The following DNAH14 variants were observed in gnomAD, a reference collection of about 807,000 sequenced individuals.
DNAH14 encodes the protein axonemal beta dynein heavy chain 14.
In DNAH14, 478 loss-of-function variants were observed where a neutral mutation model predicts 520.9. That is an observed-to-expected ratio of 0.92 (90% CI 0.85 to 0.99). DNAH14 has a LOEUF of 0.99. Ranked by LOEUF, DNAH14 falls within the 50% of genes least tolerant of loss-of-function variation. The pLI, the probability that DNAH14 is intolerant of heterozygous loss-of-function variation, is 0.00. For missense variants in DNAH14, 4,831 were observed against 5,234.5 expected, an observed-to-expected ratio of 0.92 and a Z score of 2.38; for synonymous variants, 1,581 against 1,757.2, an observed-to-expected ratio of 0.90 and a Z score of 2.51.
At chr1:224,979,160 C>T (rs988086625) in intron 8 of DNAH14, among the ~76,000 whole-genome samples, 1 of 152,166 alleles carries the variant, frequency 6.6e-6, no homozygotes, top group Non-Finnish European at 1.5e-5. Flanking sequence ...AAAGCATCTT[C>T]ATAACCAAAA....
At chr1:225,244,647 T>A (rs1231277214) in intron 43 of DNAH14, among the ~76,000 whole-genome samples, 3 of 152,206 alleles carry the variant, frequency 2.0e-5, no homozygotes, top group African/African-American at 7.2e-5. Context: ...ATAGAGGTTT[T>A]TATATTAATC....
intron 42 of DNAH14, among the ~76,000 whole-genome samples, chr1:225,240,239 T>C (rs2091889419): frequency 1.3e-5 from 2 of 150,534 alleles, no homozygotes; most frequent in South Asian, 4.2e-4. Flanking sequence ...TTAAAATATA[T>C]ACATATATTA....
chr1:225,206,251 A>T (rs2087535853), intron 40 of DNAH14, 72 bp downstream of exon 40: 4 of 1,291,370 alleles, frequency 3.1e-6, no homozygotes, highest in East Asian at 2.5e-5. Context: ...TATTATTTAC[A>T]GCATTTTATG....
At chr1:225,137,619 G>C (rs1013442672) in intron 27 of DNAH14, among the ~76,000 whole-genome samples, 3 of 152,180 alleles carry the variant, frequency 2.0e-5, no homozygotes, top group African/African-American at 7.2e-5. Flanking sequence ...GCCTCCCAGA[G>C]TGCTGGGATT....
At chr1:225,343,784 ATC>A (rs199517873) in intron 69 of DNAH14, among the ~76,000 whole-genome samples, 3 of 123,272 alleles carry the variant, frequency 2.4e-5, no homozygotes, top group Non-Finnish European at 5.0e-5. Context: ...AGGCTTCTGT[ATC>A]TGTTTTTTTT....
chr1:225,374,888 A>G lies in DNAH14; in HGVS notation c.12516+3A>G. The stretch of plus-strand genomic sequence containing the variant: ...ACTTCAGTTTCTCCAGTGATGGGGT[A>G]GGAAAAGAATCAATCTTCTTGCATT... On this transcript the variant is annotated splice_donor_region_variant and intron_variant, in intron 78 of 85. Coordinates refer to ENST00000682510, the MANE Select transcript of DNAH14 (RefSeq NM_001367479.1). The G allele has an allele frequency of 6.5e-7, 1 of 1,542,004 alleles. No individual in the cohort carries two copies. The highest frequency in any genetic ancestry group is 8.8e-7 in the Non-Finnish European group (1 of 1,140,464).
intron 64 of DNAH14, among the ~76,000 whole-genome samples, chr1:225,328,475 C>G (rs72750813): frequency 1.3e-5 from 2 of 151,856 alleles, no homozygotes; most frequent in Non-Finnish European, 2.9e-5. Flanking sequence ...ATATTTTTTA[C>G]GCTTAATATT....
chr1:224,982,526 C>T (rs947399611), intron 8 of DNAH14, among the ~76,000 whole-genome samples: 4 of 152,242 alleles, frequency 2.6e-5, no homozygotes, highest in East Asian at 1.9e-4. Context: ...TTCCTTGAGG[C>T]GTGACCTTAG....
chr1:225,178,300 G>A (rs78617509), intron 36 of DNAH14, among the ~76,000 whole-genome samples: 7,414 of 152,200 alleles, frequency 0.049, 285 homozygotes, highest in Non-Finnish European at 0.072. Context: ...ACATAGCTGC[G>A]GTGGCCTCAG....
At chr1:225,101,019 T>A (rs2075399261) in intron 23 of DNAH14, 135 bp downstream of exon 23, 2 of 638,062 alleles carry the variant, frequency 3.1e-6, no homozygotes, top group South Asian at 5.9e-5. Flanking sequence ...TTTTAAACTC[T>A]CACTACCTAT....
intron 41 of DNAH14, among the ~76,000 whole-genome samples, chr1:225,210,731 C>A (rs1030722233): frequency 2.6e-5 from 4 of 152,184 alleles, no homozygotes; most frequent in African/African-American, 7.2e-5. Flanking sequence ...CAGGGGCCAA[C>A]AAACACCTCA....
intron 66 of DNAH14, among the ~76,000 whole-genome samples, chr1:225,334,842 A>G (rs1332038286): frequency 6.6e-6 from 1 of 151,254 alleles, no homozygotes; most frequent in Non-Finnish European, 1.5e-5. Flanking sequence ...GCACTCCAGC[A>G]TGGGAGACAA....
At chr1:225,052,212 G>C (rs759534158) in intron 17 of DNAH14, among the ~76,000 whole-genome samples, 1 of 152,142 alleles carries the variant, frequency 6.6e-6, no homozygotes, top group South Asian at 2.1e-4. Context: ...GAGTTTCACT[G>C]TATATTAGGG....
At chr1:225,293,198 A>T (rs2093931931) in intron 55 of DNAH14, among the ~76,000 whole-genome samples, 1 of 152,230 alleles carries the variant, frequency 6.6e-6, no homozygotes, top group Non-Finnish European at 1.5e-5. Flanking sequence ...TCATAGAGAA[A>T]AAGGAATGCT....
At chr1:225,058,687 T>G (rs994949138) in intron 17 of DNAH14, among the ~76,000 whole-genome samples, 27 of 152,346 alleles carry the variant, frequency 1.8e-4, no homozygotes, top group South Asian at 4.2e-4. Context: ...AATTTCCCTC[T>G]ACACACTGCT....
Position 225,079,442 on chromosome 1 carries a change from T to C in DNAH14, c.2660T>C (p.Met887Thr), listed in dbSNP as rs758831586. The C allele has an allele frequency of 3.9e-6, 6 of 1,547,504 alleles. No individual in the cohort carries two copies. The South Asian group carries it at 6.0e-5, about 16-fold the overall frequency. The change falls in exon 18 of 86, where the codon ATG becomes ACG. Residue 887 changes from methionine (M) to threonine (T), a missense_variant. Transcript: ENST00000682510. ...LLKFSQLKSS[M>T]KLSKINKDTA... ...AAGTTTAGTCAACTAAAATCATCTA[T>C]GAAGTTAAGTAAAATAAATAAAGAC...
chr1:225,007,593 G>A (rs1194797544), intron 10 of DNAH14, 49 bp downstream of exon 10: 111 of 1,398,924 alleles, frequency 7.9e-5, no homozygotes, highest in Non-Finnish European at 1.0e-4. Flanking sequence ...TTTACTAGCT[G>A]AAGCAATTGA....
intron 56 of DNAH14, 70 bp downstream of exon 56, chr1:225,301,100 T>G (rs986059347): frequency 1.4e-6 from 2 of 1,427,628 alleles, no homozygotes; most frequent in African/African-American, 2.9e-5. Context: ...ATTCTGTACA[T>G]GATTTTCAAG....
At chr1:225,120,763 T>C (rs762566846) in intron 26 of DNAH14, among the ~76,000 whole-genome samples, 2 of 152,178 alleles carry the variant, frequency 1.3e-5, no homozygotes, top group Non-Finnish European at 2.9e-5. Context: ...GAGACTTCTG[T>C]AGGCAAGAAA....
Sources: gnomAD v4.1 joint callset for allele counts (sites outside exome capture counted in the v4.1 genomes callset) on GRCh38, gnomAD v4.1.1 for gene constraint, MANE v1.5 for transcripts, NCBI Gene and HGNC (gene_info 2026-07-23, HGNC 2026-07-21) for gene names.